Variants in USP9X observed in about 807,000 individuals in gnomAD.
USP9X encodes ubiquitin carboxyl-terminal hydrolase 9X.
A neutral mutation model predicts 190.3 loss-of-function variants in USP9X; 7 were observed. The observed-to-expected ratio is 0.04, with a 90% confidence interval of 0.02 to 0.07. The LOEUF (loss-of-function observed/expected upper bound fraction) is 0.07, where lower values mean the gene tolerates loss of function less well. Ranked by LOEUF, USP9X falls within the 10% of genes least tolerant of loss-of-function variation. The pLI is 1.00. For synonymous variants in USP9X, 645 were observed against 659.5 expected (o/e 0.98, Z 0.34); for missense variants, 1,010 against 1,916.9 (o/e 0.53, Z 8.83).
chrX:41,123,382 G>T, intron 1 of USP9X, 89 bp from the exon 2 acceptor site: 1 of 338,511 alleles, frequency 3.0e-6, no homozygotes, highest in Non-Finnish European at 5.2e-6. Context: ...TTCCTGATTA[G>T]ATTCACTGGT....
intron 12 of USP9X, among the ~76,000 whole-genome samples, chrX:41,149,556 T>C (rs1426374528): frequency 9.1e-6 from 1 of 110,002 alleles, no homozygotes; most frequent in African/African-American, 3.3e-5. Context: ...ATAAATGTTT[T>C]CATGGCCTTA....
chrX:41,112,618 C>G (rs774190735), intron 1 of USP9X, among the ~76,000 whole-genome samples: 6 of 111,442 alleles, frequency 5.4e-5, no homozygotes, highest in Admixed American at 2.9e-4. Context: ...CCACAGAGAA[C>G]TTTTGAATGG....
At chrX:41,126,020 T>A (rs1265769020) in intron 2 of USP9X, among the ~76,000 whole-genome samples, 1 of 111,310 alleles carries the variant, frequency 9.0e-6, no homozygotes, top group Non-Finnish European at 1.9e-5. Flanking sequence ...CAGGTAAGTT[T>A]TTAGGCAAAA....
Position 41,167,515 on chromosome X carries a change from A to G in USP9X, c.2362A>G (p.Arg788Gly). 1 of 1,208,911 alleles carries G rather than the reference A, an allele frequency of 8.3e-7. No homozygotes were observed. Among genetic ancestry groups the G allele is most frequent in the Non-Finnish European group, 1.1e-6 (1 of 893,801 alleles). ...VIQSNDDIASRAIDLLKEIYT... is the reference protein window; with the variant it reads ...VIQSNDDIASGAIDLLKEIYT... ...TCAGAGTAATGATGATATTGCCAGCAGAGCTATAGATCTCCTCAAAGAGAT... is the reference window on the plus strand; with the variant it reads ...TCAGAGTAATGATGATATTGCCAGCGGAGCTATAGATCTCCTCAAAGAGAT... Residue 788 changes from arginine (R) to glycine (G), a missense_variant, in exon 17 of 45, where the codon AGA becomes GGA. Coordinates refer to ENST00000378308, the MANE Select transcript of USP9X (RefSeq NM_001039591.3).
intron 28 of USP9X, among the ~76,000 whole-genome samples, 188 bp from the exon 29 acceptor site, chrX:41,197,176 A>G (rs2033890073): frequency 8.9e-6 from 1 of 111,762 alleles, no homozygotes. Flanking sequence ...TTCTTCTAGT[A>G]GTTCATAAAG....
At chrX:41,116,821 A>G (rs937726915) in intron 1 of USP9X, among the ~76,000 whole-genome samples, 6 of 111,692 alleles carry the variant, frequency 5.4e-5, no homozygotes, top group Admixed American at 9.6e-5. Context: ...AAATACCTGG[A>G]AAAAGAATGA....
chrX:41,184,256 T>C (rs950025238), intron 22 of USP9X, 128 bp downstream of exon 22: 17 of 999,957 alleles, frequency 1.7e-5, no homozygotes, highest in Middle Eastern at 6.2e-4. Context: ...AATGAAGTAG[T>C]TTTGAAATGA....
intron 1 of USP9X, among the ~76,000 whole-genome samples, chrX:41,108,908 A>T (rs181522785): frequency 7.2e-4 from 80 of 111,400 alleles, no homozygotes; most frequent in Middle Eastern, 4.7e-3. Flanking sequence ...GCTGGAAAAA[A>T]GAGCCCCAGA....
intron 14 of USP9X, among the ~76,000 whole-genome samples, chrX:41,158,780 CACAGACCTG>C (rs1308077987): frequency 9.0e-6 from 1 of 111,532 alleles, no homozygotes; most frequent in African/African-American, 3.3e-5. Flanking sequence ...TCTAACAGGC[CACAGACCTG>C]ACAGACATCT....
Position 41,195,883 on chromosome X carries a change from T to G in USP9X, c.3978-368T>G, listed in dbSNP as rs1317570029. ...CTACAGAATTTCCACAGAGCTGTTG[T>G]GCAGAACCACAGTTGAATAAAAATT... On this transcript the variant is annotated intron_variant, in intron 26 of 44. Coordinates refer to ENST00000378308, the MANE Select transcript of USP9X (RefSeq NM_001039591.3). The G allele has an allele frequency of 4.1e-5, 14 of 339,283 alleles. No homozygotes were observed. The Admixed American group carries it at 4.3e-4, about 11-fold the overall frequency. The allele number at this position is 339,283 out of a possible 1,213,427, so 28.0% of individuals were successfully genotyped here.
intron 1 of USP9X, among the ~76,000 whole-genome samples, chrX:41,117,850 C>T (rs1478771534): frequency 9.2e-6 from 1 of 108,685 alleles, no homozygotes; most frequent in Non-Finnish European, 1.9e-5. Flanking sequence ...TGAGCCACCA[C>T]GCCCGGCCCT....
At position 41,224,821 on chromosome X, in the gene USP9X, C is replaced by T; in HGVS notation, c.6831C>T (p.Asp2277=). ...TGCCAATTCAGCAGAATGTGGCAGA[C>T]ATTTTATTTGTGAGAACAAGTTATG... ...PIMPIQQNVA[D]ILFVRTSYVK... The change falls in exon 40 of 45, where the codon GAC becomes GAT. Residue 2277 remains aspartate, a synonymous_variant. Coordinates refer to ENST00000378308, the MANE Select transcript of USP9X (RefSeq NM_001039591.3). 1 of 1,211,199 alleles carries T rather than the reference C, an allele frequency of 8.3e-7. No individual in the cohort carries two copies. The highest frequency in any genetic ancestry group is 1.1e-6 in the Non-Finnish European group (1 of 895,254).
intron 1 of USP9X, among the ~76,000 whole-genome samples, chrX:41,112,415 A>G (rs2062116900): frequency 8.9e-6 from 1 of 112,163 alleles, no homozygotes; most frequent in African/African-American, 3.2e-5. Flanking sequence ...AATTATTGTG[A>G]TCTTGTATAA....
chrX:41,235,111 G>A lies in USP9X; in HGVS notation c.*2587G>A, dbSNP rs760462816. The A allele has an allele frequency of 2.7e-5, 3 of 112,007 alleles. No individual in the cohort carries two copies. The highest frequency in any genetic ancestry group is 5.6e-5 in the Non-Finnish European group (3 of 53,184). 9.2% of individuals were successfully genotyped at this position (112,007 alleles called of 1,213,427 possible). ...TTGGAGGAAGAGCCCAACCTTGGTT[G>A]CTTTGAAGTTACAAGCCCCCTTGTG... On this transcript the variant is annotated 3_prime_UTR_variant, in exon 45 of 45. Coordinates refer to ENST00000378308, the MANE Select transcript of USP9X (RefSeq NM_001039591.3).
intron 14 of USP9X, among the ~76,000 whole-genome samples, chrX:41,161,635 CTTTTTTTTTTT>C (rs759623425): frequency 2.1e-5 from 1 of 47,425 alleles, no homozygotes; most frequent in African/African-American, 1.1e-4. Flanking sequence ...GGCGCCCTGC[CTTTTTTTTTTT>C]TTTTTTTTTT....
chrX:41,161,329 C>CTTTTT lies in USP9X; in HGVS notation c.1898-1438_1898-1434dup, dbSNP rs1158519140. ...GTAAAGAGTATAAGAGAATTCTTGC[C>CTTTTT]TTTTTTTTTTTTTTTTTTTTTTTTT... On this transcript the variant is annotated intron_variant, in intron 14 of 44. Coordinates refer to ENST00000378308, the MANE Select transcript of USP9X (RefSeq NM_001039591.3). 5.4e-3 allele frequency among the ~76,000 whole-genome samples: 176 copies of CTTTTT among 32,470 alleles called. 49 individuals carry two copies. Among genetic ancestry groups the CTTTTT allele is most frequent in the African/African-American group, 0.012 (80 of 6,652 alleles). 28.2% of individuals were successfully genotyped at this position (32,470 alleles called of 115,157 possible).
chrX:41,086,795 G>C (rs980053898), intron 1 of USP9X, among the ~76,000 whole-genome samples: 22 of 112,671 alleles, frequency 2.0e-4, no homozygotes, highest in African/African-American at 7.1e-4. Context: ...AGCTAGCTTG[G>C]ACCTATTACC....
At chrX:41,212,486 A>G (rs868572992) in intron 33 of USP9X, among the ~76,000 whole-genome samples, 3 of 109,339 alleles carry the variant, frequency 2.7e-5, no homozygotes, top group Middle Eastern at 4.7e-3. Context: ...GCCTAAAAAA[A>G]TAAAAATAAA....
At chrX:41,203,389 A>G (rs2063060566) in intron 31 of USP9X, among the ~76,000 whole-genome samples, 1 of 112,308 alleles carries the variant, frequency 8.9e-6, no homozygotes, top group African/African-American at 3.2e-5. Flanking sequence ...TTTTGTCTCT[A>G]TGATTGACTA....
Sources: allele counts gnomAD v4.1 joint callset (sites outside exome capture counted in the v4.1 genomes callset), GRCh38; gene constraint gnomAD v4.1.1; transcripts MANE v1.5; gene names NCBI Gene and HGNC (gene_info 2026-07-23, HGNC 2026-07-21).